PAM16: variants seen among roughly 807,000 people sequenced by gnomAD.
PAM16 encodes the protein presequence translocase associated motor 16.
Under a neutral mutation model 17.9 loss-of-function variants are expected in PAM16, and 11 were observed. That is an observed-to-expected ratio of 0.62 (90% confidence interval 0.39 to 1.02). The LOEUF (loss-of-function observed/expected upper bound fraction) is 1.02, where lower values mean the gene tolerates loss of function less well. PAM16 is among the 50% of genes least tolerant of loss of function. The probability of loss-of-function intolerance (pLI) is 0.01; values close to 1 mark genes in which losing one functional copy is unlikely to be tolerated. For synonymous variants in PAM16, 72 were observed against 67.4 expected (o/e 1.07, Z -0.34); for missense variants, 199 against 165.4 (o/e 1.20, Z -1.11).
chr16:4,351,261 A>AGTC lies in PAM16; in HGVS notation c.-28_-27insGAC. 1 of 1,466,162 alleles carries AGTC rather than the reference A, an allele frequency of 6.8e-7. No homozygotes were observed. The highest frequency in any genetic ancestry group is 9.1e-7 in the Non-Finnish European group (1 of 1,101,532). 90.8% of individuals were successfully genotyped at this position (1,466,162 alleles called of 1,614,324 possible). The stretch of plus-strand genomic sequence containing the variant: ...GCAGCCGCTCTGCCTCCGGGGCTCA[A>AGTC]ACTCCGACTTCCTGGCCCCGCGGCC... On this transcript the variant is annotated 5_prime_UTR_variant, in exon 1 of 5. Coordinates refer to ENST00000318059, the MANE Select transcript of PAM16 (RefSeq NM_016069.11).
Position 4,340,334 on chromosome 16 carries a change from C to G in PAM16, c.363G>C (p.Gln121His). The G allele has an allele frequency of 6.2e-7, 1 of 1,612,928 alleles. No homozygotes were observed. The highest frequency in any genetic ancestry group is 8.5e-7 in the Non-Finnish European group (1 of 1,179,862). Reference sequence around the variant, plus strand: ...AGCCGAGCAGTCACGTATGGGGCATCTGCCCTTTTTCTCTGTCCTCCTGGG... The same window carrying G: ...AGCCGAGCAGTCACGTATGGGGCATGTGCCCTTTTTCTCTGTCCTCCTGGG... Reference protein sequence around the residue: ...IQAQEDREKGQMPHT With the variant: ...IQAQEDREKGHMPHT The change falls in exon 5 of 5, where the codon CAG becomes CAC. Residue 121 changes from glutamine (Q) to histidine (H), a missense_variant. Gln to His is a conservative substitution (Grantham distance 24, BLOSUM62 0). Transcript: ENST00000318059.
At position 4,341,494 on chromosome 16, in the gene PAM16, G is replaced by A. The variant is rs775862073; in HGVS notation, c.99C>T (p.Ala33=). 1.6e-5 allele frequency: 26 copies of A among 1,608,336 alleles called. No homozygotes were observed. The highest frequency in any genetic ancestry group is 6.7e-5 in the East Asian group (3 of 44,796). Residue 33 remains alanine, a synonymous_variant, in exon 3 of 5, where the codon GCC becomes GCT. Coordinates refer to ENST00000318059, the MANE Select transcript of PAM16 (RefSeq NM_016069.11). ...ALRQEFAASR[A]AADARGRAGH... Reference sequence around the variant, plus strand: ...CAGCGCGTCCTCGGGCATCAGCTGCGGCCCGGCTGGCTGTGTGGACATGTG... The same window carrying A: ...CAGCGCGTCCTCGGGCATCAGCTGCAGCCCGGCTGGCTGTGTGGACATGTG...
chr16:4,341,931 C>T (rs1325432595), intron 2 of PAM16, among the ~76,000 whole-genome samples: 2 of 152,224 alleles, frequency 1.3e-5, no homozygotes, highest in Non-Finnish European at 2.9e-5. Flanking sequence ...GGTGACCTCT[C>T]CCCTTTCAGT....
Position 4,344,060 on chromosome 16 carries a change from A to T in PAM16, c.4-769T>A, listed in dbSNP as rs189271314. The T allele has an allele frequency of 2.0e-3, 795 of 397,822 alleles. 5 individuals carry two copies. The highest frequency in any genetic ancestry group is 0.015 in the African/African-American group (734 of 48,390). The allele number at this position is 397,822 out of a possible 1,614,324, so 24.6% of individuals were successfully genotyped here. A position where few individuals can be genotyped will look rare whatever the true frequency, so the allele number is the denominator to read the frequency against. On this transcript the variant is annotated intron_variant, in intron 1 of 4. Coordinates refer to ENST00000318059, the MANE Select transcript of PAM16 (RefSeq NM_016069.11). Reference sequence around the variant, plus strand: ...GCAGGGAACCCCACTGTCACACACCAGGCTGAACATGCCGGAACACTGCAC... The same window carrying T: ...GCAGGGAACCCCACTGTCACACACCTGGCTGAACATGCCGGAACACTGCAC...
chr16:4,342,991 T>C (rs866977412), intron 2 of PAM16, among the ~76,000 whole-genome samples: 15 of 152,160 alleles, frequency 9.9e-5, no homozygotes. Flanking sequence ...CAAAATCAGG[T>C]ATCCAGATGG....
rs1055150161 is a variant in PAM16 at position 4,343,566 on chromosome 16, G to A, written c.4-275C>T. 3.6e-6 allele frequency: 5 copies of A among 1,396,930 alleles called. No individual in the cohort carries two copies. The South Asian group carries it at 8.7e-5, about 24-fold the overall frequency. The allele number at this position is 1,396,930 out of a possible 1,614,324, so 86.5% of individuals were successfully genotyped here. A position where few individuals can be genotyped will look rare whatever the true frequency, so the allele number is the denominator to read the frequency against. On this transcript the variant is annotated intron_variant, in intron 1 of 4. Coordinates refer to ENST00000318059, the MANE Select transcript of PAM16 (RefSeq NM_016069.11). Reference sequence around the variant, plus strand: ...CTCATCCTTCAGGAAAGGCGTAGAGGAGCAAGGCAAAGTGGCTGCAACCAC... The same window carrying A: ...CTCATCCTTCAGGAAAGGCGTAGAGAAGCAAGGCAAAGTGGCTGCAACCAC...
chr16:4,350,448 C>G (rs888157513), intron 1 of PAM16, among the ~76,000 whole-genome samples: 15 of 151,878 alleles, frequency 9.9e-5, no homozygotes, highest in African/African-American at 3.6e-4. Context: ...GTCGCCCAGG[C>G]TAGAGTGCAC....
intron 1 of PAM16, among the ~76,000 whole-genome samples, chr16:4,350,579 T>C (rs1440143503): frequency 1.3e-5 from 2 of 151,962 alleles, no homozygotes; most frequent in African/African-American, 4.8e-5. Context: ...TTTTTAAATT[T>C]TTTGGTGGAG....
intron 2 of PAM16, 79 bp from the exon 3 acceptor site, chr16:4,341,583 C>G: frequency 6.6e-7 from 1 of 1,506,654 alleles, no homozygotes; most frequent in Non-Finnish European, 8.9e-7. Context: ...GTGGCTCACC[C>G]CTGCCACCAG....
intron 1 of PAM16, chr16:4,348,478 G>C (rs894346011): frequency 6.6e-6 from 1 of 152,582 alleles, no homozygotes; most frequent in African/African-American, 2.4e-5. Flanking sequence ...TCTGCTCCTA[G>C]AGCCGCTCTC....
chr16:4,340,491 C>G (rs530170903), intron 4 of PAM16, 86 bp from the exon 5 acceptor site: 126 of 1,467,218 alleles, frequency 8.6e-5, no homozygotes, highest in Non-Finnish European at 1.0e-4. Context: ...TCCCATCAGC[C>G]CAGGTCCATT....
chr16:4,343,949 G>T, intron 1 of PAM16: 1 of 398,326 alleles, frequency 2.5e-6, no homozygotes, highest in Non-Finnish European at 4.4e-6. Context: ...TCAAACATCT[G>T]CTGAGAGTCT....
At position 4,351,303 on chromosome 16, in the gene PAM16, C is replaced by T; in HGVS notation, c.-69G>A. The stretch of plus-strand genomic sequence containing the variant: ...CCCGCGGCCGGGGATCAAGCGTGGT[C>T]GGCGGGTCAGAGGTCAAGGAAAGCC... On this transcript the variant is annotated 5_prime_UTR_variant, in exon 1 of 5. Coordinates refer to ENST00000318059, the MANE Select transcript of PAM16 (RefSeq NM_016069.11). 1.5e-6 allele frequency: 2 copies of T among 1,315,310 alleles called. No homozygotes were observed. Among genetic ancestry groups the T allele is most frequent in the South Asian group, 1.8e-5 (1 of 55,166 alleles). The allele number at this position is 1,315,310 out of a possible 1,614,324, so 81.5% of individuals were successfully genotyped here. A position where few individuals can be genotyped will look rare whatever the true frequency, so the allele number is the denominator to read the frequency against.
intron 1 of PAM16, among the ~76,000 whole-genome samples, chr16:4,350,651 C>A (rs1452569821): frequency 1.3e-5 from 2 of 152,178 alleles, no homozygotes; most frequent in African/African-American, 2.4e-5. Flanking sequence ...TCCGCCGCCT[C>A]GGCCTCCCAG....
At chr16:4,340,807 G>T in intron 4 of PAM16, 113 bp downstream of exon 4, 1 of 1,368,174 alleles carries the variant, frequency 7.3e-7, no homozygotes, top group Non-Finnish European at 1.0e-6. Flanking sequence ...GCCTGGCACA[G>T]TTTTCTGTGT....
intron 1 of PAM16, chr16:4,345,816 C>T (rs1189192673): frequency 1.0e-6 from 1 of 984,352 alleles, no homozygotes; most frequent in South Asian, 4.7e-5. Flanking sequence ...AAGCCCCTCC[C>T]GAGTGGAACA....
chr16:4,345,644 G>A (rs2053746450), intron 1 of PAM16: 1 of 155,674 alleles, frequency 6.4e-6, no homozygotes, highest in Non-Finnish European at 1.4e-5. Context: ...TCAAAAGTAG[G>A]TGGAAACTTC....
intron 2 of PAM16, chr16:4,341,746 C>T (rs1261077593): frequency 6.5e-6 from 4 of 611,326 alleles, no homozygotes; most frequent in Non-Finnish European, 1.1e-5. Context: ...GGCTCCTGGT[C>T]CCCAACCTAG....
chr16:4,349,211 C>G (rs1284216240), intron 1 of PAM16, among the ~76,000 whole-genome samples: 1 of 149,036 alleles, frequency 6.7e-6, no homozygotes, highest in East Asian at 2.0e-4. Context: ...CGCCTGAGAC[C>G]CCCAAAGTGC....
Sources: allele counts gnomAD v4.1 joint callset (sites outside exome capture counted in the v4.1 genomes callset), GRCh38; gene constraint gnomAD v4.1.1; transcripts MANE v1.5; gene names NCBI Gene and HGNC (gene_info 2026-07-23, HGNC 2026-07-21).